ST3GAL3: variants seen among roughly 807,000 people sequenced by gnomAD.
ST3GAL3 encodes the protein ST3 beta-galactoside alpha-2,3-sialyltransferase 3.
A neutral mutation model predicts 50.1 loss-of-function variants in ST3GAL3; 21 were observed. The ratio of observed to expected loss-of-function variants is 0.42; its 90% CI spans 0.30 to 0.60. The LOEUF (loss-of-function observed/expected upper bound fraction) is 0.60, where lower values mean the gene tolerates loss of function less well. ST3GAL3 is among the 20% of genes least tolerant of loss of function. The probability of loss-of-function intolerance (pLI) is 0.19; values close to 1 mark genes in which losing one functional copy is unlikely to be tolerated. For missense variants in ST3GAL3, 353 were observed against 489.4 expected (o/e 0.72, Z 2.63); for synonymous variants, 183 against 190.0 (o/e 0.96, Z 0.30).
At chr1:43,796,609 G>A (rs2058708389) in intron 3 of ST3GAL3, among the ~76,000 whole-genome samples, 1 of 152,162 alleles carries the variant, frequency 6.6e-6, no homozygotes, top group Non-Finnish European at 1.5e-5. Flanking sequence ...AACCCAACCT[G>A]GTCGATTGTC....
intron 5 of ST3GAL3, chr1:43,850,698 G>T: frequency 1.4e-6 from 1 of 731,338 alleles, no homozygotes. Flanking sequence ...AGAACAACCT[G>T]TGACTGTTTG....
intron 1 of ST3GAL3, among the ~76,000 whole-genome samples, chr1:43,715,257 C>CT (rs1666801221): frequency 6.6e-6 from 1 of 151,572 alleles, no homozygotes; most frequent in Non-Finnish European, 1.5e-5. Context: ...TTAAAAATCA[C>CT]TGAGTACAAA....
intron 2 of ST3GAL3, among the ~76,000 whole-genome samples, chr1:43,775,471 T>C (rs1696851826): frequency 6.6e-6 from 1 of 152,080 alleles, no homozygotes; most frequent in Non-Finnish European, 1.5e-5. Context: ...TGACCTCAGG[T>C]GAACACCTGC....
intron 1 of ST3GAL3, among the ~76,000 whole-genome samples, chr1:43,724,480 A>G (rs182406342): frequency 2.0e-5 from 3 of 151,800 alleles, no homozygotes; most frequent in African/African-American, 7.3e-5. Flanking sequence ...CAGCCTCCCA[A>G]AATGCTGGGA....
chr1:43,831,549 T>C (rs2063551555), intron 4 of ST3GAL3: 1 of 152,374 alleles, frequency 6.6e-6, no homozygotes, highest in South Asian at 2.1e-4. Context: ...GAAAGTTTCA[T>C]ATCTCCTGCC....
Position 43,813,903 on chromosome 1 carries a change from GCACACACA to G in ST3GAL3, c.167-964_167-957del, listed in dbSNP as rs57672840. ...CACACACACACACACACGCACACAC[GCACACACA>G]CACACACACACACACACACACACTG... On this transcript the variant is annotated intron_variant, in intron 3 of 11. Transcript: ENST00000347631. 5.6e-3 allele frequency among the ~76,000 whole-genome samples: 701 copies of G among 125,866 alleles called. 5 individuals are homozygous for G. The highest frequency in any genetic ancestry group is 0.016 in the African/African-American group (560 of 36,008). The allele number at this position is 125,866 out of a possible 152,430, so 82.6% of individuals were successfully genotyped here. A position where few individuals can be genotyped will look rare whatever the true frequency, so the allele number is the denominator to read the frequency against.
chr1:43,734,877 C>T (rs974261377), intron 1 of ST3GAL3, among the ~76,000 whole-genome samples: 3 of 151,842 alleles, frequency 2.0e-5, no homozygotes, highest in Non-Finnish European at 4.4e-5. Flanking sequence ...TGGTTGAGGG[C>T]CTGACCCAGG....
At chr1:43,882,970 TA>T (rs1318406371) in intron 5 of ST3GAL3, among the ~76,000 whole-genome samples, 27 of 45,800 alleles carry the variant, frequency 5.9e-4, no homozygotes, top group East Asian at 4.8e-3. Flanking sequence ...TTTATTTATT[TA>T]TTTATTTAGA....
At chr1:43,802,149 T>C (rs1013507179) in intron 3 of ST3GAL3, among the ~76,000 whole-genome samples, 9 of 152,222 alleles carry the variant, frequency 5.9e-5, no homozygotes, top group African/African-American at 2.2e-4. Context: ...TCGGTGTTCA[T>C]AAATTTTTAT....
At chr1:43,776,872 G>C (rs932184160) in intron 2 of ST3GAL3, among the ~76,000 whole-genome samples, 1 of 152,170 alleles carries the variant, frequency 6.6e-6, no homozygotes, top group African/African-American at 2.4e-5. Context: ...TCATGAGAAA[G>C]TATAAAGACT....
chr1:43,858,273 C>T, intron 5 of ST3GAL3: 1 of 1,287,510 alleles, frequency 7.8e-7, no homozygotes, highest in Non-Finnish European at 1.0e-6. Context: ...GGGAGACGTC[C>T]TGGTGAAGTC....
At chr1:43,788,719 A>T (rs555154898) in intron 2 of ST3GAL3, among the ~76,000 whole-genome samples, 20 of 152,348 alleles carry the variant, frequency 1.3e-4, no homozygotes, top group African/African-American at 4.8e-4. Context: ...ATCAGTCATT[A>T]GTTAGGCATC....
intron 6 of ST3GAL3, chr1:43,896,776 C>T (rs2154268821): frequency 6.6e-6 from 1 of 152,294 alleles, no homozygotes; most frequent in East Asian, 1.9e-4. Flanking sequence ...AACTCCTGAG[C>T]TCAAGCAATC....
At chr1:43,850,233 A>C (rs2154212198) in intron 5 of ST3GAL3, 1 of 413,246 alleles carries the variant, frequency 2.4e-6, no homozygotes, top group East Asian at 6.4e-5. Flanking sequence ...TACATCTCTC[A>C]AGGGGATCCT....
chr1:43,907,913 G>T (rs2080089936), intron 9 of ST3GAL3, among the ~76,000 whole-genome samples: 1 of 152,098 alleles, frequency 6.6e-6, no homozygotes, highest in African/African-American at 2.4e-5. Context: ...CTCCCTGTTT[G>T]CCGTCTGTTT....
intron 9 of ST3GAL3, among the ~76,000 whole-genome samples, chr1:43,903,350 C>G (rs2078611284): frequency 6.6e-6 from 1 of 152,220 alleles, no homozygotes; most frequent in South Asian, 2.1e-4. Context: ...ATCCCTCAGG[C>G]CCTGCCCTCT....
intron 4 of ST3GAL3, among the ~76,000 whole-genome samples, chr1:43,817,598 C>CTT (rs2061488096): frequency 8.2e-5 from 6 of 73,176 alleles, no homozygotes; most frequent in South Asian, 5.3e-4. Flanking sequence ...TCTCCTCCTC[C>CTT]CTTCTCCTTC....
chr1:43,778,677 G>A (rs1261612447), intron 2 of ST3GAL3, among the ~76,000 whole-genome samples: 7 of 119,442 alleles, frequency 5.9e-5, no homozygotes, highest in African/African-American at 1.9e-4. Flanking sequence ...ACGGAGTCTC[G>A]CTCTGTCGCC....
intron 3 of ST3GAL3, among the ~76,000 whole-genome samples, chr1:43,804,726 T>A (rs2059680445): frequency 6.6e-6 from 1 of 152,130 alleles, no homozygotes; most frequent in African/African-American, 2.4e-5. Flanking sequence ...AGGCTCGCTG[T>A]GGGCAGGTGA....
Sources: allele counts gnomAD v4.1 joint callset (sites outside exome capture counted in the v4.1 genomes callset), GRCh38; gene constraint gnomAD v4.1.1; transcripts MANE v1.5; gene names NCBI Gene and HGNC (gene_info 2026-07-23, HGNC 2026-07-21).